Variants in BRINP2 observed in about 807,000 individuals in gnomAD.
BRINP2 encodes BMP/retinoic acid-inducible neural-specific protein 2.
Under a neutral mutation model 69.2 loss-of-function variants are expected in BRINP2, and 21 were observed. The ratio of observed to expected loss-of-function variants is 0.30; its 90% CI spans 0.22 to 0.44. The LOEUF (loss-of-function observed/expected upper bound fraction) is 0.44, where lower values mean the gene tolerates loss of function less well. Ranked by LOEUF, BRINP2 falls within the 20% of genes least tolerant of loss-of-function variation. The pLI, the probability that BRINP2 is intolerant of heterozygous loss-of-function variation, is 1.00. For synonymous variants in BRINP2, 380 were observed against 394.1 expected (o/e 0.96, Z 0.42); for missense variants, 877 against 986.0 (o/e 0.89, Z 1.48).
intron 1 of BRINP2, among the ~76,000 whole-genome samples, chr1:177,209,484 T>C (rs1182879691): frequency 6.6e-6 from 1 of 152,160 alleles, no homozygotes; most frequent in Non-Finnish European, 1.5e-5. Flanking sequence ...GGCCAAGGAC[T>C]GACTAAGCAC....
intron 1 of BRINP2, among the ~76,000 whole-genome samples, chr1:177,214,311 T>A (rs1288889165): frequency 6.6e-6 from 1 of 152,170 alleles, no homozygotes; most frequent in East Asian, 1.9e-4. Context: ...CCGGAGCCTG[T>A]AATCCCAGCT....
intron 1 of BRINP2, among the ~76,000 whole-genome samples, chr1:177,220,658 G>A (rs889831637): frequency 9.9e-5 from 15 of 152,054 alleles, no homozygotes; most frequent in African/African-American, 2.7e-4. Context: ...ATGCAATAAC[G>A]GCCTAATGCA....
intron 5 of BRINP2, among the ~76,000 whole-genome samples, chr1:177,275,988 G>A (rs889318929): frequency 1.3e-5 from 2 of 152,186 alleles, no homozygotes; most frequent in African/African-American, 4.8e-5. Flanking sequence ...TTTCCCATCT[G>A]CATTTTCAGA....
chr1:177,281,499 G>C lies in BRINP2; in HGVS notation c.2323G>C (p.Glu775Gln). 1 of 1,609,590 alleles carries C rather than the reference G, an allele frequency of 6.2e-7. No homozygotes were observed. Among genetic ancestry groups the C allele is most frequent in the South Asian group, 1.1e-5 (1 of 90,944 alleles). The change falls in exon 8 of 8, where the codon GAA becomes CAA. Residue 775 changes from glutamate to glutamine, a missense_variant. By Grantham distance (29) the Glu-to-Gln change is conservative. This residue lies in a region of BRINP2 where 225 missense variants were observed against 218.7 expected (regional missense o/e 1.03). Coordinates refer to ENST00000361539, the MANE Select transcript of BRINP2 (RefSeq NM_021165.4). ...AFNSKLPNPV[E>Q]YETGKLCS ...CAATTCTAAGCTGCCAAACCCTGTG[G>C]AATATGAGACCGGCAAACTCTGTAG...
At chr1:177,219,438 T>C (rs1649464640) in intron 1 of BRINP2, among the ~76,000 whole-genome samples, 1 of 152,242 alleles carries the variant, frequency 6.6e-6, no homozygotes, top group Non-Finnish European at 1.5e-5. Context: ...GTGTACTTAT[T>C]GACATTCATT....
At chr1:177,204,166 T>C (rs1273080921) in intron 1 of BRINP2, among the ~76,000 whole-genome samples, 2 of 152,168 alleles carry the variant, frequency 1.3e-5, no homozygotes, top group African/African-American at 4.8e-5. Flanking sequence ...TATTTTGCCC[T>C]TCACTGTGAT....
chr1:177,221,940 G>A (rs892133120), intron 1 of BRINP2, among the ~76,000 whole-genome samples: 2 of 152,226 alleles, frequency 1.3e-5, no homozygotes, highest in African/African-American at 4.8e-5. Flanking sequence ...GAGTACAATG[G>A]CAGGGCTCAT....
intron 7 of BRINP2, among the ~76,000 whole-genome samples, chr1:177,279,530 T>C (rs1010787781): frequency 3.9e-5 from 6 of 152,120 alleles, no homozygotes; most frequent in Non-Finnish European, 7.3e-5. Context: ...ACATGTGAGG[T>C]AGGACAGTCT....
intron 1 of BRINP2, among the ~76,000 whole-genome samples, chr1:177,191,416 G>A (rs1036205909): frequency 6.6e-6 from 1 of 152,082 alleles, no homozygotes; most frequent in Non-Finnish European, 1.5e-5. Flanking sequence ...TTAATGGCCT[G>A]GCAGTCCCTC....
rs142708611 is a variant in BRINP2 at position 177,276,287 on chromosome 1, G to A, written c.865G>A (p.Val289Ile). 4.5e-4 allele frequency: 725 copies of A among 1,614,220 alleles called. No individual in the cohort carries two copies. The African/African-American group carries it at 6.1e-3, about 14-fold the overall frequency. ...CACATGCAGCTCTGAGGGTGAGCTC[G>A]TCTGCAAGGAGAATGACTGCTGGTG... ...YITCSSEGEL[V>I]CKENDCWCKC... is the part of the protein sequence containing the mutation. Residue 289 changes from valine to isoleucine, a missense_variant, in exon 6 of 8, where the codon GTC becomes ATC. Transcript: ENST00000361539.
At chr1:177,246,269 C>T (rs1243901768) in intron 2 of BRINP2, among the ~76,000 whole-genome samples, 1 of 152,190 alleles carries the variant, frequency 6.6e-6, no homozygotes, top group Non-Finnish European at 1.5e-5. Context: ...ACAGTACTCC[C>T]TGAGCTTGAA....
intron 1 of BRINP2, among the ~76,000 whole-genome samples, chr1:177,224,675 C>T (rs1423303896): frequency 6.6e-6 from 1 of 151,914 alleles, no homozygotes; most frequent in African/African-American, 2.4e-5. Context: ...AGACCTCAAT[C>T]TACCACTGAA....
intron 1 of BRINP2, among the ~76,000 whole-genome samples, chr1:177,171,945 C>T (rs1437315090): frequency 6.6e-6 from 1 of 152,172 alleles, no homozygotes; most frequent in African/African-American, 2.4e-5. Context: ...TCTGGTATTG[C>T]CTCCTGGTGT....
intron 1 of BRINP2, among the ~76,000 whole-genome samples, chr1:177,182,016 C>A (rs1648271016): frequency 6.6e-6 from 1 of 152,290 alleles, no homozygotes; most frequent in Admixed American, 6.5e-5. Flanking sequence ...GCCATGTGTG[C>A]GTGCGCGTGT....
At chr1:177,177,351 T>G (rs1360217082) in intron 1 of BRINP2, among the ~76,000 whole-genome samples, 1 of 151,972 alleles carries the variant, frequency 6.6e-6, no homozygotes, top group East Asian at 1.9e-4. Context: ...AGAAGAAGAA[T>G]GGGGAGAAGA....
At chr1:177,218,924 C>T (rs1272215327) in intron 1 of BRINP2, among the ~76,000 whole-genome samples, 1 of 152,168 alleles carries the variant, frequency 6.6e-6, no homozygotes, top group African/African-American at 2.4e-5. Flanking sequence ...TTGCTGATGT[C>T]ACTTCAACTT....
chr1:177,188,343 G>A (rs1208283905), intron 1 of BRINP2, among the ~76,000 whole-genome samples: 1 of 152,100 alleles, frequency 6.6e-6, no homozygotes, highest in Non-Finnish European at 1.5e-5. Flanking sequence ...CCGTGCCCTT[G>A]TGAAGCCTAT....
At chr1:177,220,515 A>G (rs1649495217) in intron 1 of BRINP2, among the ~76,000 whole-genome samples, 1 of 152,090 alleles carries the variant, frequency 6.6e-6, no homozygotes, top group African/African-American at 2.4e-5. Context: ...TGCCATGATT[A>G]TAAGTTTTCT....
rs770338219 is a variant in BRINP2 at position 177,255,930 on chromosome 1, G to A, written c.281G>A (p.Arg94His). The A allele has an allele frequency of 6.2e-6, 10 of 1,613,976 alleles. No individual in the cohort carries two copies. Among genetic ancestry groups the A allele is most frequent in the East Asian group, 2.2e-5 (1 of 44,894 alleles). ...GGCTTTTCCCCCAGGGAGTTTGCCC[G>A]TTGGAAGGTGAACAACTTGGCTCTG... is the stretch of plus-strand genomic sequence containing the variant. Reference protein sequence around the residue: ...TRYRIYREFARWKVNNLALER... With the variant: ...TRYRIYREFAHWKVNNLALER... Residue 94 changes from arginine to histidine, a missense_variant, in exon 3 of 8, where the codon CGT becomes CAT. Around this residue, in one of 3 missense-constraint regions of BRINP2, gnomAD observed 566 missense variants for 625.2 expected, o/e 0.91. Coordinates refer to ENST00000361539, the MANE Select transcript of BRINP2 (RefSeq NM_021165.4).
Sources: allele counts gnomAD v4.1 joint callset (sites outside exome capture counted in the v4.1 genomes callset), GRCh38; gene constraint gnomAD v4.1.1; regional missense constraint gnomAD v4.1.1; transcripts MANE v1.5; gene names NCBI Gene and HGNC (gene_info 2026-07-23, HGNC 2026-07-21).